Variants in CEP112 observed in about 807,000 individuals in gnomAD.
CEP112 encodes centrosomal protein 112.
Under a neutral mutation model 153.0 loss-of-function variants are expected in CEP112, and 127 were observed. That is an observed-to-expected ratio of 0.83 (90% CI 0.72 to 0.96). The LOEUF (loss-of-function observed/expected upper bound fraction) is 0.96, where lower values mean the gene tolerates loss of function less well. Ranked by LOEUF, CEP112 falls within the 40% of genes least tolerant of loss-of-function variation. The pLI, the probability that CEP112 is intolerant of heterozygous loss-of-function variation, is 0.00. For missense variants in CEP112, 1,089 were observed against 1,101.2 expected, an observed-to-expected ratio of 0.99 and a Z score of 0.16; for synonymous variants, 358 against 374.4, an observed-to-expected ratio of 0.96 and a Z score of 0.51.
intron 20 of CEP112, among the ~76,000 whole-genome samples, chr17:65,855,586 G>A (rs2058095809): frequency 6.6e-6 from 1 of 152,104 alleles, no homozygotes; most frequent in African/African-American, 2.4e-5. Flanking sequence ...CATCCAACAG[G>A]TCAGGGACTA....
chr17:66,034,417 T>C lies in CEP112; in HGVS notation c.1219-4394A>G, dbSNP rs183534382. ...GGAAATCTATTTCTTTTTTTCCTTA[T>C]ATGAATCCAAAATAAATGTGAACAT... On this transcript the variant is annotated intron_variant, in intron 12 of 26. Coordinates refer to ENST00000535342, the MANE Select transcript of CEP112 (RefSeq NM_001199165.4). Among the ~76,000 whole-genome samples the C allele has an allele frequency of 5.1e-4, 77 of 152,310 alleles. 1 individual carries two copies. Among genetic ancestry groups the C allele is most frequent in the South Asian group, 3.9e-3 (19 of 4,828 alleles).
rs34369066 is a variant in CEP112, at chr17:65,693,455, T to TAA, written c.2608-4239_2608-4238dup. Among the ~76,000 whole-genome samples the TAA allele has an allele frequency of 7.5e-4, 109 of 146,138 alleles. No individual in the cohort carries two copies. In the Middle Eastern group the frequency reaches 0.011, roughly 14 times the overall value. ...ATTCTGCTCAGTGAAGTCAAGGGAT[T>TAA]AAAAAAAAAAAAGAGGATGCTGCAA... On this transcript the variant is annotated intron_variant, in intron 23 of 26. Transcript: ENST00000535342.
chr17:65,932,097 C>G (rs962666140), intron 18 of CEP112, among the ~76,000 whole-genome samples: 2 of 152,186 alleles, frequency 1.3e-5, no homozygotes, highest in African/African-American at 2.4e-5. Context: ...TGCAGCCTAG[C>G]CAATGGTCTC....
chr17:65,662,770 A>C (rs2143874195), intron 24 of CEP112, among the ~76,000 whole-genome samples: 1 of 152,252 alleles, frequency 6.6e-6, no homozygotes, highest in Non-Finnish European at 1.5e-5. Flanking sequence ...GATGAATGCC[A>C]CTCTTCATGT....
At chr17:65,674,324 A>G (rs528469581) in intron 24 of CEP112, among the ~76,000 whole-genome samples, 71 of 152,370 alleles carry the variant, frequency 4.7e-4, no homozygotes, top group African/African-American at 1.6e-3. Context: ...TCAAAATGTT[A>G]GGCAAGGCAG....
intron 20 of CEP112, among the ~76,000 whole-genome samples, chr17:65,857,160 G>A (rs1284750810): frequency 6.6e-6 from 1 of 152,014 alleles, no homozygotes; most frequent in East Asian, 1.9e-4. Context: ...TTTCTGGTTG[G>A]GCCAGTAAAG....
intron 19 of CEP112, 107 bp from the exon 20 acceptor site, chr17:65,902,441 A>G: frequency 4.8e-6 from 4 of 831,436 alleles, no homozygotes; most frequent in Non-Finnish European, 7.0e-6. Flanking sequence ...GAAAATTTTT[A>G]TTTTTACATC....
Position 65,702,483 on chromosome 17 carries a change from G to A in CEP112, c.2608-13265C>T, listed in dbSNP as rs574962465. Among the ~76,000 whole-genome samples, 527 of 152,070 alleles carry A rather than the reference G, an allele frequency of 3.5e-3. 1 individual carries two copies. The highest frequency in any genetic ancestry group is 8.5e-3 in the South Asian group (41 of 4,820). On this transcript the variant is annotated intron_variant, in intron 23 of 26. Coordinates refer to ENST00000535342, the MANE Select transcript of CEP112 (RefSeq NM_001199165.4). Reference sequence around the variant, plus strand: ...CATGGTCAACTGTGGTCCAAAAAGAGGTGAGTACAAATACAGACAAGAATA... The same window carrying A: ...CATGGTCAACTGTGGTCCAAAAAGAAGTGAGTACAAATACAGACAAGAATA...
chr17:65,870,054 AAAGAAAGAAAG>A (rs907368167), intron 20 of CEP112, among the ~76,000 whole-genome samples: 5 of 77,614 alleles, frequency 6.4e-5, no homozygotes, highest in African/African-American at 1.4e-4. Flanking sequence ...AGAAAGAAAG[AAAGAAAGAAAG>A]AAAGAAAGAA....
chr17:65,910,182 C>A (rs2060233363), intron 19 of CEP112, among the ~76,000 whole-genome samples: 1 of 152,140 alleles, frequency 6.6e-6, no homozygotes. Context: ...TTGTTCAGAA[C>A]TGCAACTAAG....
At chr17:66,063,114 A>C in intron 10 of CEP112, 33 bp from the exon 11 acceptor site, 1 of 1,069,244 alleles carries the variant, frequency 9.4e-7, no homozygotes, top group Non-Finnish European at 1.4e-6. Flanking sequence ...AGTTAAACCA[A>C]TTCTAGGTAC....
intron 17 of CEP112, among the ~76,000 whole-genome samples, chr17:65,994,726 A>G (rs1455092197): frequency 1.3e-5 from 2 of 152,210 alleles, no homozygotes; most frequent in Non-Finnish European, 2.9e-5. Flanking sequence ...ACGGAGAGCC[A>G]AACATGTAAA....
chr17:66,007,939 G>C (rs191383812), intron 16 of CEP112, among the ~76,000 whole-genome samples: 1 of 151,970 alleles, frequency 6.6e-6, no homozygotes, highest in African/African-American at 2.4e-5. Context: ...TATTTATGCC[G>C]TTTTTTCCTG....
At chr17:65,815,441 T>C (rs1568056568) in intron 21 of CEP112, among the ~76,000 whole-genome samples, 1 of 152,130 alleles carries the variant, frequency 6.6e-6, no homozygotes, top group Non-Finnish European at 1.5e-5. Flanking sequence ...TGGTTAGTCA[T>C]GAAATCAGGA....
At chr17:65,970,949 C>A (rs562403816) in intron 17 of CEP112, among the ~76,000 whole-genome samples, 1 of 146,832 alleles carries the variant, frequency 6.8e-6, no homozygotes, top group African/African-American at 2.5e-5. Context: ...TATTATATTA[C>A]ATACCTATTA....
At chr17:65,643,808 G>A (rs2045283591) in intron 24 of CEP112, among the ~76,000 whole-genome samples, 1 of 152,212 alleles carries the variant, frequency 6.6e-6, no homozygotes, top group Non-Finnish European at 1.5e-5. Flanking sequence ...TCTCCAGATT[G>A]TCATTGACTA....
chr17:65,894,301 C>G (rs2059587676), intron 20 of CEP112, among the ~76,000 whole-genome samples: 1 of 151,980 alleles, frequency 6.6e-6, no homozygotes, highest in South Asian at 2.1e-4. Flanking sequence ...TTACTTTGAG[C>G]AAAATAGCTC....
At chr17:66,006,476 CA>C (rs2064278754) in intron 16 of CEP112, among the ~76,000 whole-genome samples, 1 of 152,004 alleles carries the variant, frequency 6.6e-6, no homozygotes, top group South Asian at 2.1e-4. Context: ...CATGGTAGCG[CA>C]CGCCTGTAAG....
At chr17:65,875,356 G>T (rs2077013570) in intron 20 of CEP112, among the ~76,000 whole-genome samples, 1 of 152,016 alleles carries the variant, frequency 6.6e-6, no homozygotes, top group Non-Finnish European at 1.5e-5. Flanking sequence ...AAACCAAGTA[G>T]TATAGAAATG....
Sources: gnomAD v4.1 joint callset for allele counts (sites outside exome capture counted in the v4.1 genomes callset) on GRCh38, gnomAD v4.1.1 for gene constraint, MANE v1.5 for transcripts, NCBI Gene and HGNC (gene_info 2026-07-23, HGNC 2026-07-21) for gene names.